The following SDK1 variants were observed in gnomAD, a reference collection of about 807,000 sequenced individuals.
The protein encoded by SDK1 is protein sidekick-1.
SDK1 carries 157 observed loss-of-function variants against 245.5 expected under a neutral mutation model. The observed-to-expected ratio is 0.64, with a 90% CI of 0.56 to 0.73. The LOEUF (loss-of-function observed/expected upper bound fraction) is 0.73. Ranked by LOEUF, SDK1 falls within the 30% of genes least tolerant of loss-of-function variation. The probability of loss-of-function intolerance (pLI) is 0.00; values close to 1 mark genes in which losing one functional copy is unlikely to be tolerated. For synonymous variants in SDK1, 1,647 were observed against 1,278.5 expected, an observed-to-expected ratio of 1.29 and a Z score of -6.15; for missense variants, 3,583 against 3,002.3, an observed-to-expected ratio of 1.19 and a Z score of -4.52.
intron 5 of SDK1, among the ~76,000 whole-genome samples, chr7:3,853,881 C>T (rs1417302414): frequency 5.3e-5 from 8 of 151,836 alleles, no homozygotes; most frequent in African/African-American, 4.8e-5. Flanking sequence ...CCCAGCTACT[C>T]GAGAAGCTGA....
chr7:4,032,331 T>C (rs1412655284), intron 17 of SDK1, among the ~76,000 whole-genome samples: 1 of 152,192 alleles, frequency 6.6e-6, no homozygotes, highest in African/African-American at 2.4e-5. Flanking sequence ...AGAAATGTAT[T>C]GACATTTATT....
chr7:3,331,437 A>T (rs141494477), intron 1 of SDK1, among the ~76,000 whole-genome samples: 1 of 152,196 alleles, frequency 6.6e-6, no homozygotes, highest in African/African-American at 2.4e-5. Context: ...GTCCATTTGC[A>T]TATCTTCTTT....
At chr7:3,448,731 T>C (rs536054487) in intron 1 of SDK1, among the ~76,000 whole-genome samples, 36 of 152,332 alleles carry the variant, frequency 2.4e-4, no homozygotes, top group African/African-American at 8.2e-4. Flanking sequence ...TCTTTCTGAA[T>C]TTAAATGCCA....
At chr7:3,412,563 G>A (rs1352123741) in intron 1 of SDK1, among the ~76,000 whole-genome samples, 1 of 152,196 alleles carries the variant, frequency 6.6e-6, no homozygotes, top group Non-Finnish European at 1.5e-5. Context: ...CTTACGCAGA[G>A]TGCTGCAAAG....
intron 1 of SDK1, among the ~76,000 whole-genome samples, chr7:3,528,286 T>C (rs1783218104): frequency 7.1e-6 from 1 of 141,170 alleles, no homozygotes; most frequent in Non-Finnish European, 1.5e-5. Context: ...GGTTGGATCA[T>C]AGCCAGCTAG....
intron 4 of SDK1, among the ~76,000 whole-genome samples, chr7:3,659,057 G>T (rs1783276302): frequency 1.3e-5 from 2 of 152,122 alleles, no homozygotes; most frequent in Admixed American, 6.5e-5. Context: ...TGCCTATTCT[G>T]TCACTACCTA....
intron 2 of SDK1, among the ~76,000 whole-genome samples, chr7:3,619,737 T>A (rs6961396): frequency 0.65 from 99,210 of 152,108 alleles, 32,747 homozygotes; most frequent in South Asian, 0.78. Context: ...TCAGCAGCAA[T>A]AAAACAGTAT....
intron 42 of SDK1, 136 bp downstream of exon 42, chr7:4,237,920 T>A: frequency 9.3e-7 from 1 of 1,075,316 alleles, no homozygotes; most frequent in Non-Finnish European, 1.3e-6. Flanking sequence ...AGAAATGCAA[T>A]AGGTTTTCTT....
At position 3,957,451 on chromosome 7, in the gene SDK1, C is replaced by A. The variant is rs181549121; in HGVS notation, c.1151-1480C>A. Among the ~76,000 whole-genome samples, 226 of 152,330 alleles carry A rather than the reference C, an allele frequency of 1.5e-3. 1 individual carries two copies. The highest frequency in any genetic ancestry group is 5.3e-3 in the African/African-American group (221 of 41,582). On this transcript the variant is annotated intron_variant, in intron 7 of 44. Coordinates refer to ENST00000404826, the MANE Select transcript of SDK1 (RefSeq NM_152744.4). ...TTCAGTGTTACAGTGTTACTTCTCACAACTGCACGGACTCGACAGTTTTCT... is the reference window on the plus strand; with the variant it reads ...TTCAGTGTTACAGTGTTACTTCTCAAAACTGCACGGACTCGACAGTTTTCT...
intron 1 of SDK1, among the ~76,000 whole-genome samples, chr7:3,316,541 A>T (rs986619190): frequency 2.6e-5 from 4 of 152,206 alleles, no homozygotes; most frequent in Non-Finnish European, 4.4e-5. Flanking sequence ...TGTATATTCA[A>T]TATAATATAA....
At chr7:3,692,626 A>G (rs1001721251) in intron 4 of SDK1, among the ~76,000 whole-genome samples, 2 of 152,070 alleles carry the variant, frequency 1.3e-5, no homozygotes, top group African/African-American at 4.8e-5. Context: ...TCTTGGCTAC[A>G]TGTTTTATTT....
chr7:4,267,262 T>TCCA lies in SDK1; in HGVS notation c.*1878_*1879insCCA, dbSNP rs1788526442. The TCCA allele has an allele frequency of 1.6e-5, 5 of 315,390 alleles. No individual in the cohort carries two copies. The highest frequency in any genetic ancestry group is 2.2e-5 in the Non-Finnish European group (5 of 226,588). 19.5% of individuals were successfully genotyped at this position (315,390 alleles called of 1,614,324 possible). On this transcript the variant is annotated 3_prime_UTR_variant, in exon 45 of 45. Coordinates refer to ENST00000404826, the MANE Select transcript of SDK1 (RefSeq NM_152744.4). ...TCTTCTTTCCTCCCTCCCTCCCTCC[T>TCCA]TCCCTCCCTTCCTTCCTCTCTTTCC...
intron 4 of SDK1, among the ~76,000 whole-genome samples, chr7:3,746,697 T>C (rs1779632405): frequency 1.3e-5 from 2 of 152,226 alleles, no homozygotes; most frequent in African/African-American, 4.8e-5. Context: ...TATTATGAGA[T>C]TGTAGCAATT....
Position 4,266,262 on chromosome 7 carries a change from C to G in SDK1, c.*878C>G. On this transcript the variant is annotated 3_prime_UTR_variant, in exon 45 of 45. Transcript: ENST00000404826. ...TTGTTAACCAGAGTATTTTTAAAAT[C>G]TTTTTATCTTTTTTTAAACTATGTC... The G allele has an allele frequency of 1.0e-6, 1 of 985,354 alleles. No homozygotes were observed. The highest frequency in any genetic ancestry group is 1.2e-6 in the Non-Finnish European group (1 of 829,848). 61.0% of individuals were successfully genotyped at this position (985,354 alleles called of 1,614,324 possible). A position where few individuals can be genotyped will look rare whatever the true frequency, so the allele number is the denominator to read the frequency against.
At position 4,205,950 on chromosome 7, in the gene SDK1, C is replaced by A. The variant is rs200764186; in HGVS notation, c.5170C>A (p.Pro1724Thr). The A allele has an allele frequency of 3.6e-5, 57 of 1,563,156 alleles. No individual in the cohort carries two copies. In the East Asian group the frequency reaches 7.4e-4, roughly 20 times the overall value. ...CAGCCAGCTGGAGGTCACGTGGGAC[C>A]CACCACCCCCGGAGAGCCAGAATGG... is the stretch of plus-strand genomic sequence containing the variant. ...TASQLEVTWDPPPPESQNGNI... is the reference protein window; with the variant it reads ...TASQLEVTWDTPPPESQNGNI... The change falls in exon 36 of 45, where the codon CCA (proline) becomes ACA (threonine). Residue 1724 changes from proline (P) to threonine (T), a missense_variant. Physicochemically the swap from Pro to Thr is conservative, Grantham distance 38. Coordinates refer to ENST00000404826, the MANE Select transcript of SDK1 (RefSeq NM_152744.4).
At chr7:3,629,964 A>C (rs1782240516) in intron 2 of SDK1, among the ~76,000 whole-genome samples, 1 of 152,258 alleles carries the variant, frequency 6.6e-6, no homozygotes, top group Non-Finnish European at 1.5e-5. Flanking sequence ...GCAGAAATCT[A>C]ACTTATAAGG....
chr7:3,637,883 A>G (rs1782517370), intron 2 of SDK1, among the ~76,000 whole-genome samples: 1 of 152,256 alleles, frequency 6.6e-6, no homozygotes, highest in African/African-American at 2.4e-5. Context: ...CCCTGATGGC[A>G]TTGCTTTCTC....
intron 1 of SDK1, among the ~76,000 whole-genome samples, chr7:3,496,517 C>G (rs753483301): frequency 2.0e-5 from 3 of 151,008 alleles, no homozygotes; most frequent in Admixed American, 6.6e-5. Flanking sequence ...ATTTTGCTCC[C>G]TAATTATAAA....
rs769009865 is a variant in SDK1, at chr7:4,049,442, T to C, written c.2697T>C (p.Asn899=). 6.2e-7 allele frequency: 1 copy of C among 1,613,894 alleles called. No homozygotes were observed. Among genetic ancestry groups the C allele is most frequent in the South Asian group, 1.1e-5 (1 of 91,074 alleles). Residue 899 remains asparagine, a synonymous_variant, in exon 18 of 45, where the codon AAT becomes AAC. Transcript: ENST00000404826. The stretch of plus-strand genomic sequence containing the variant: ...ACCCTCCGCCTCAGCAGTTTATCAA[T>C]GGCATCAACCAGGGATACAAGGTAC... ...LWNPPPQQFI[N]GINQGYKLLA...
Sources: gnomAD v4.1 joint callset for allele counts (sites outside exome capture counted in the v4.1 genomes callset) on GRCh38, gnomAD v4.1.1 for gene constraint, MANE v1.5 for transcripts, NCBI Gene and HGNC (gene_info 2026-07-23, HGNC 2026-07-21) for gene names.